The following AFAP1 variants were observed in gnomAD, a reference collection of about 807,000 sequenced individuals.
AFAP1 encodes actin filament-associated protein 1.
AFAP1 carries 75 observed loss-of-function variants against 93.9 expected under a neutral mutation model. The observed-to-expected ratio is 0.80, with a 90% CI of 0.66 to 0.97. The LOEUF (loss-of-function observed/expected upper bound fraction) is 0.97, where lower values mean the gene tolerates loss of function less well. Among genes scored for constraint, AFAP1 ranks in the 50% least tolerant of loss-of-function variants. The pLI is 0.00. For missense variants in AFAP1, 1,201 were observed against 1,050.8 expected (o/e 1.14, Z -1.98); for synonymous variants, 517 against 430.7 (o/e 1.20, Z -2.48).
chr4:7,890,825 C>G (rs571878066), intron 1 of AFAP1, among the ~76,000 whole-genome samples: 8 of 152,280 alleles, frequency 5.3e-5, no homozygotes, highest in African/African-American at 1.9e-4. Flanking sequence ...CAACTAGAAT[C>G]CTCCCACTTT....
intron 1 of AFAP1, among the ~76,000 whole-genome samples, chr4:7,877,912 C>T (rs748522601): frequency 2.2e-4 from 34 of 152,268 alleles, no homozygotes; most frequent in Non-Finnish European, 4.7e-4. Context: ...ATCGCCAGTT[C>T]CCAGGACGCA....
intron 5 of AFAP1, 87 bp from the exon 6 acceptor site, chr4:7,838,790 T>A: frequency 1.4e-6 from 2 of 1,467,906 alleles, no homozygotes; most frequent in Non-Finnish European, 1.9e-6. Context: ...AAAACCTGAG[T>A]GCGGGCAAGG....
chr4:7,934,726 G>A (rs1249516576), intron 1 of AFAP1, among the ~76,000 whole-genome samples: 1 of 152,198 alleles, frequency 6.6e-6, no homozygotes, highest in African/African-American at 2.4e-5. Flanking sequence ...TGATGCTGCT[G>A]CTGGATTTCA....
At chr4:7,828,856 C>A (rs749550369) in intron 6 of AFAP1, among the ~76,000 whole-genome samples, 6 of 152,210 alleles carry the variant, frequency 3.9e-5, no homozygotes, top group Non-Finnish European at 7.3e-5. Flanking sequence ...CTGTGCTCTA[C>A]CTATACCGTC....
At chr4:7,871,439 C>G (rs978759910) in intron 2 of AFAP1, among the ~76,000 whole-genome samples, 4 of 151,984 alleles carry the variant, frequency 2.6e-5, no homozygotes, top group Admixed American at 2.6e-4. Context: ...CCCTGGACAC[C>G]GAGTCTCTGA....
intron 7 of AFAP1, among the ~76,000 whole-genome samples, chr4:7,818,022 G>A (rs1720635984): frequency 6.6e-6 from 1 of 152,140 alleles, no homozygotes; most frequent in African/African-American, 2.4e-5. Context: ...ATGAGGATGA[G>A]GACTGTGATG....
chr4:7,879,720 G>A (rs924215175), intron 1 of AFAP1, among the ~76,000 whole-genome samples: 1 of 56,148 alleles, frequency 1.8e-5, no homozygotes, highest in African/African-American at 6.2e-5. Context: ...TTTTTTTTGT[G>A]AGACAGGGTC....
rs1390525251 is a variant in AFAP1 at position 7,913,528 on chromosome 4, T to A, written c.-3+26128A>T. 2.6e-5 allele frequency among the ~76,000 whole-genome samples: 4 copies of A among 152,258 alleles called. No homozygotes were observed. In the East Asian group the frequency reaches 5.8e-4, roughly 22 times the overall value. ...TTTGAAAAACATATAACTCTAAGTA[T>A]CCTTACCTTAAAATTCTGATTCCTA... On this transcript the variant is annotated intron_variant, in intron 1 of 17. Transcript: ENST00000420658.
chr4:7,814,976 T>C (rs562426506), intron 8 of AFAP1, among the ~76,000 whole-genome samples: 1 of 152,372 alleles, frequency 6.6e-6, no homozygotes, highest in Non-Finnish European at 1.5e-5. Flanking sequence ...GCAGCATCTT[T>C]CACACTAGCC....
intron 12 of AFAP1, among the ~76,000 whole-genome samples, chr4:7,782,471 C>T (rs573707057): frequency 6.6e-6 from 1 of 152,344 alleles, no homozygotes; most frequent in South Asian, 2.1e-4. Context: ...AAATTAGATG[C>T]TTCCAAATCT....
chr4:7,924,983 C>G (rs1720649560), intron 1 of AFAP1, among the ~76,000 whole-genome samples: 1 of 152,132 alleles, frequency 6.6e-6, no homozygotes, highest in Non-Finnish European at 1.5e-5. Context: ...ACCTCCAGCC[C>G]CCACAACAGC....
chr4:7,816,231 T>G, intron 7 of AFAP1, 132 bp from the exon 8 acceptor site: 1 of 712,710 alleles, frequency 1.4e-6, no homozygotes, highest in Non-Finnish European at 2.3e-6. Flanking sequence ...CAGAAGTGGT[T>G]AGAGCTTAAC....
At chr4:7,914,554 C>T (rs555292198) in intron 1 of AFAP1, among the ~76,000 whole-genome samples, 1 of 152,152 alleles carries the variant, frequency 6.6e-6, no homozygotes, top group Non-Finnish European at 1.5e-5. Context: ...CTGCTGGACA[C>T]CGAGGCTGAT....
chr4:7,887,973 C>T lies in AFAP1; in HGVS notation c.-2-15893G>A, dbSNP rs180786545. 1.4e-4 allele frequency among the ~76,000 whole-genome samples: 22 copies of T among 152,124 alleles called. No homozygotes were observed. The East Asian group carries it at 2.3e-3, about 16-fold the overall frequency. On this transcript the variant is annotated intron_variant, in intron 1 of 17. Coordinates refer to ENST00000420658, the MANE Select transcript of AFAP1 (RefSeq NM_001134647.2). The stretch of plus-strand genomic sequence containing the variant: ...TCCCAAGTAGCTGGGATTACAGGCA[C>T]GCGCCACCACGCCCGGCTAAGTTTT...
At chr4:7,794,243 T>C (rs1262307785) in intron 10 of AFAP1, among the ~76,000 whole-genome samples, 1 of 152,180 alleles carries the variant, frequency 6.6e-6, no homozygotes, top group Non-Finnish European at 1.5e-5. Context: ...TCCAGGCCCT[T>C]TACTGGTCGC....
chr4:7,938,842 C>G (rs1363039100), intron 1 of AFAP1, among the ~76,000 whole-genome samples: 2 of 152,072 alleles, frequency 1.3e-5, no homozygotes, highest in Non-Finnish European at 2.9e-5. Context: ...GGAAGCGCGG[C>G]GGTGGGACGC....
At position 7,935,448 on chromosome 4, in the gene AFAP1, G is replaced by A. The variant is rs1259144454; in HGVS notation, c.-3+4208C>T. Among the ~76,000 whole-genome samples the A allele has an allele frequency of 2.0e-5, 3 of 152,110 alleles. No homozygotes were observed. In the East Asian group the frequency reaches 5.8e-4, roughly 29 times the overall value. ...ATCCAAAACTGTTTTGAGGTAGCCT[G>A]AAATAATAGACACCTATACAATAAA... On this transcript the variant is annotated intron_variant, in intron 1 of 17. Transcript: ENST00000420658.
chr4:7,798,289 T>C (rs1262130370), intron 10 of AFAP1, among the ~76,000 whole-genome samples: 7 of 146,846 alleles, frequency 4.8e-5, no homozygotes, highest in African/African-American at 1.8e-4. Context: ...ACTGGCTGGC[T>C]CACGGCATTG....
At chr4:7,913,470 T>C (rs1719892009) in intron 1 of AFAP1, among the ~76,000 whole-genome samples, 1 of 151,978 alleles carries the variant, frequency 6.6e-6, no homozygotes, top group African/African-American at 2.4e-5. Context: ...ATTACAATTA[T>C]ATAATGGACA....
Sources: allele counts gnomAD v4.1 joint callset (sites outside exome capture counted in the v4.1 genomes callset), GRCh38; gene constraint gnomAD v4.1.1; transcripts MANE v1.5; gene names NCBI Gene and HGNC (gene_info 2026-07-23, HGNC 2026-07-21).